LCORL: variants seen among roughly 807,000 people sequenced by gnomAD.
The protein encoded by LCORL is ligand-dependent nuclear receptor corepressor-like protein.
A neutral mutation model predicts 141.8 loss-of-function variants in LCORL; 41 were observed. The observed-to-expected ratio is 0.29, with a 90% CI of 0.23 to 0.38. The LOEUF (loss-of-function observed/expected upper bound fraction) is 0.38, where lower values mean the gene tolerates loss of function less well. LCORL is among the 10% of genes least tolerant of loss of function. LCORL has a pLI of 1.00. For synonymous variants in LCORL, 618 were observed against 694.1 expected, an observed-to-expected ratio of 0.89 and a Z score of 1.72; for missense variants, 1,759 against 2,035.0, an observed-to-expected ratio of 0.86 and a Z score of 2.61.
intron 1 of LCORL, among the ~76,000 whole-genome samples, chr4:18,013,249 C>T (rs1724090712): frequency 6.6e-6 from 1 of 152,154 alleles, no homozygotes; most frequent in Admixed American, 6.5e-5. Context: ...TTCTTCTGCC[C>T]AAGGAAGGCT....
At chr4:17,955,263 G>C (rs1402234400) in intron 4 of LCORL, among the ~76,000 whole-genome samples, 1 of 152,182 alleles carries the variant, frequency 6.6e-6, no homozygotes, top group Non-Finnish European at 1.5e-5. Context: ...GCTAAGATGA[G>C]AAATGACTGG....
intron 6 of LCORL, chr4:17,881,862 G>C (rs1727616348): frequency 2.0e-6 from 2 of 983,648 alleles, no homozygotes; most frequent in African/African-American, 1.8e-5. Context: ...GGGGGAAGGG[G>C]GAAATATACT....
At chr4:17,925,597 T>G (rs879841258) in intron 4 of LCORL, among the ~76,000 whole-genome samples, 95 of 152,138 alleles carry the variant, frequency 6.2e-4, no homozygotes, top group Non-Finnish European at 1.2e-3. Flanking sequence ...TGTGGCTGGG[T>G]GCGGTTGCTC....
intron 1 of LCORL, among the ~76,000 whole-genome samples, chr4:17,999,500 G>A (rs1721572670): frequency 6.6e-6 from 1 of 151,752 alleles, no homozygotes; most frequent in South Asian, 2.1e-4. Flanking sequence ...CTAGGTGATA[G>A]GAACTTCCCA....
intron 1 of LCORL, among the ~76,000 whole-genome samples, chr4:18,009,289 T>C (rs1230381636): frequency 1.3e-5 from 2 of 150,194 alleles, no homozygotes; most frequent in African/African-American, 4.9e-5. Context: ...CTGATCAATC[T>C]TCATGTACGT....
chr4:17,975,059 C>G (rs1716688445), intron 1 of LCORL, among the ~76,000 whole-genome samples: 1 of 151,898 alleles, frequency 6.6e-6, no homozygotes, highest in South Asian at 2.1e-4. Context: ...CTTGATCACT[C>G]ATTTTCTATG....
At chr4:17,875,556 A>G (rs1726831307) in exon 7 of LCORL, 9 of 1,231,188 alleles carry the variant, frequency 7.3e-6, no homozygotes, top group South Asian at 4.1e-5. Flanking sequence ...CCTTCCGTAA[A>G]TAACAGTTAC....
At chr4:17,966,903 C>T (rs1342661602) in intron 2 of LCORL, among the ~76,000 whole-genome samples, 1 of 152,140 alleles carries the variant, frequency 6.6e-6, no homozygotes, top group Non-Finnish European at 1.5e-5. Context: ...TAAACATAGT[C>T]TATCAATGAT....
chr4:17,888,069 C>T (rs1217343253), intron 5 of LCORL, among the ~76,000 whole-genome samples: 1 of 151,994 alleles, frequency 6.6e-6, no homozygotes, highest in Non-Finnish European at 1.5e-5. Context: ...GTTCATATAC[C>T]CACCAGTGCT....
chr4:17,912,555 C>A, intron 4 of LCORL: 1 of 457,862 alleles, frequency 2.2e-6, no homozygotes, highest in Non-Finnish European at 4.3e-6. Context: ...ACACAGTCTG[C>A]CGGAATTGGA....
chr4:17,972,554 G>A (rs1716180693), intron 2 of LCORL, among the ~76,000 whole-genome samples: 1 of 151,304 alleles, frequency 6.6e-6, no homozygotes, highest in Non-Finnish European at 1.5e-5. Flanking sequence ...GTAAGTTAGG[G>A]CGTAGAATCA....
At chr4:17,877,210 T>G in exon 7 of LCORL, 1 of 1,230,270 alleles carries the variant, frequency 8.1e-7, no homozygotes, top group Non-Finnish European at 1.0e-6. Context: ...TTTTCTACCT[T>G]TTTATCATGT....
intron 6 of LCORL, chr4:17,881,318 G>C (rs1727545391): frequency 1.0e-6 from 1 of 981,082 alleles, no homozygotes; most frequent in Non-Finnish European, 1.2e-6. Flanking sequence ...TACTTTGAAA[G>C]TTTAACATAA....
At chr4:17,948,725 G>T (rs1739267062) in intron 4 of LCORL, among the ~76,000 whole-genome samples, 2 of 151,114 alleles carry the variant, frequency 1.3e-5, no homozygotes, top group Admixed American at 1.3e-4. Context: ...ATGAAACAAA[G>T]AATAAGAAAA....
intron 5 of LCORL, among the ~76,000 whole-genome samples, chr4:17,894,090 C>T (rs777442737): frequency 3.3e-5 from 5 of 152,146 alleles, no homozygotes; most frequent in Non-Finnish European, 7.3e-5. Flanking sequence ...TGAGCCACCA[C>T]GCCTGGCCAT....
At chr4:18,002,022 G>A (rs578090698) in intron 1 of LCORL, among the ~76,000 whole-genome samples, 1 of 152,262 alleles carries the variant, frequency 6.6e-6, no homozygotes, top group East Asian at 1.9e-4. Flanking sequence ...ATAATTTGGT[G>A]TGGATCTTTA....
chr4:17,929,887 TGAA>T (rs1248292974), intron 4 of LCORL, among the ~76,000 whole-genome samples: 1 of 152,184 alleles, frequency 6.6e-6, no homozygotes, highest in Non-Finnish European at 1.5e-5. Flanking sequence ...CCACCATACA[TGAA>T]GAACTCCTAC....
intron 5 of LCORL, chr4:17,893,236 T>C (rs571716986): frequency 5.8e-6 from 2 of 344,600 alleles, no homozygotes; most frequent in African/African-American, 4.4e-5. Flanking sequence ...TACATTCTTT[T>C]AGATCCAGCA....
intron 1 of LCORL, among the ~76,000 whole-genome samples, chr4:18,002,213 A>G (rs915923933): frequency 5.9e-5 from 9 of 152,196 alleles, no homozygotes; most frequent in Admixed American, 1.3e-4. Flanking sequence ...AGATTGAAAA[A>G]CAATGAACCA....
Sources: allele counts gnomAD v4.1 joint callset (sites outside exome capture counted in the v4.1 genomes callset), GRCh38; gene constraint gnomAD v4.1.1; transcripts MANE v1.5; gene names NCBI Gene and HGNC (gene_info 2026-07-23, HGNC 2026-07-21).